The following CLPX variants were observed in gnomAD, a reference collection of about 807,000 sequenced individuals.
CLPX encodes the protein caseinolytic mitochondrial matrix peptidase chaperone subunit X, also known as ATP-dependent clpX-like chaperone, mitochondrial.
Under a neutral mutation model 76.4 loss-of-function variants are expected in CLPX, and 34 were observed. The ratio of observed to expected loss-of-function variants is 0.45; its 90% CI spans 0.34 to 0.59. CLPX has a LOEUF of 0.59. Ranked by LOEUF, CLPX falls within the 20% of genes least tolerant of loss-of-function variation. The pLI, the probability that CLPX is intolerant of heterozygous loss-of-function variation, is 0.01. For synonymous variants in CLPX, 248 were observed against 270.9 expected, an observed-to-expected ratio of 0.92 and a Z score of 0.83; for missense variants, 613 against 757.0, an observed-to-expected ratio of 0.81 and a Z score of 2.23.
At chr15:65,158,507 C>A in intron 7 of CLPX, 68 bp downstream of exon 7, 1 of 1,312,970 alleles carries the variant, frequency 7.6e-7, no homozygotes, top group Non-Finnish European at 1.1e-6. Context: ...TCGCAAGATA[C>A]AGGTTATAGA....
intron 4 of CLPX, 131 bp from the exon 5 acceptor site, chr15:65,164,319 A>T: frequency 1.6e-6 from 1 of 638,440 alleles, no homozygotes; most frequent in Non-Finnish European, 2.6e-6. Flanking sequence ...AAACAAAATG[A>T]CAATACATTA....
intron 3 of CLPX, among the ~76,000 whole-genome samples, chr15:65,171,202 T>G (rs928326662): frequency 6.6e-6 from 1 of 151,946 alleles, no homozygotes; most frequent in African/African-American, 2.4e-5. Flanking sequence ...ATCCTAGCAC[T>G]CTGGGAGGCT....
intron 3 of CLPX, among the ~76,000 whole-genome samples, chr15:65,170,331 AT>A (rs955748720): frequency 5.9e-5 from 9 of 152,196 alleles, no homozygotes; most frequent in African/African-American, 1.9e-4. Context: ...AAAAAAAAAA[AT>A]TCATGGAATT....
rs1686507112 is a variant in CLPX at position 65,148,483 on chromosome 15, T to C, written c.*2340A>G. ...CAAAGTTATAATATGTAAGACTTCC[T>C]GGGAAGAACTTGAACCATTACTAGG... On this transcript the variant is annotated 3_prime_UTR_variant, in exon 14 of 14. Coordinates refer to ENST00000300107, the MANE Select transcript of CLPX (RefSeq NM_006660.5). 1 of 152,150 alleles carries C rather than the reference T, an allele frequency of 6.6e-6. No individual in the cohort carries two copies. The highest frequency in any genetic ancestry group is 2.1e-4 in the South Asian group (1 of 4,828). The allele number at this position is 152,150 out of a possible 1,614,324, so 9.4% of individuals were successfully genotyped here. A position where few individuals can be genotyped will look rare whatever the true frequency, so the allele number is the denominator to read the frequency against.
chr15:65,151,344 CAAAAA>C (rs571760722), intron 13 of CLPX, among the ~76,000 whole-genome samples: 1 of 59,300 alleles, frequency 1.7e-5, no homozygotes, highest in African/African-American at 6.6e-5. Flanking sequence ...GACTGAGTCT[CAAAAA>C]AAAAAAAAAA....
chr15:65,175,356 G>A (rs2088076103), intron 3 of CLPX, among the ~76,000 whole-genome samples: 1 of 151,986 alleles, frequency 6.6e-6, no homozygotes, highest in Non-Finnish European at 1.5e-5. Context: ...CATGGTGGTG[G>A]GCACCTGTAA....
At position 65,152,420 on chromosome 15, in the gene CLPX, T is replaced by A; in HGVS notation, c.1811+10A>T. On this transcript the variant is annotated intron_variant, in intron 13 of 13. Coordinates refer to ENST00000300107, the MANE Select transcript of CLPX (RefSeq NM_006660.5). The stretch of plus-strand genomic sequence containing the variant: ...TTTTGTATCTGTTCTGGCTTGAAAA[T>A]ACACTTTACCGGATGTATCCTGGTT... 7.2e-7 allele frequency: 1 copy of A among 1,395,122 alleles called. No homozygotes were observed. The highest frequency in any genetic ancestry group is 9.7e-7 in the Non-Finnish European group (1 of 1,033,474). 86.4% of individuals were successfully genotyped at this position (1,395,122 alleles called of 1,614,324 possible). A position where few individuals can be genotyped will look rare whatever the true frequency, so the allele number is the denominator to read the frequency against.
chr15:65,151,324 G>A (rs548863211), intron 13 of CLPX, among the ~76,000 whole-genome samples: 4 of 130,192 alleles, frequency 3.1e-5, no homozygotes, highest in South Asian at 5.0e-4. Context: ...CAGTCTGGGC[G>A]ACAGAGCAAG....
chr15:65,170,456 C>T (rs2087985929), intron 3 of CLPX, among the ~76,000 whole-genome samples: 1 of 152,008 alleles, frequency 6.6e-6, no homozygotes, highest in African/African-American at 2.4e-5. Context: ...AAAAAGTAGA[C>T]AATTCCATAT....
At position 65,149,550 on chromosome 15, in the gene CLPX, G is replaced by A. The variant is rs542456323; in HGVS notation, c.*1273C>T. The A allele has an allele frequency of 4.4e-6, 2 of 452,876 alleles. No homozygotes were observed. The highest frequency in any genetic ancestry group is 1.6e-5 in the South Asian group (1 of 64,156). 28.1% of individuals were successfully genotyped at this position (452,876 alleles called of 1,614,324 possible). A position where few individuals can be genotyped will look rare whatever the true frequency, so the allele number is the denominator to read the frequency against. Reference sequence around the variant, plus strand: ...CTTCAATTCCATGTACTCACCCATAGTACTAAAATGGATTAAAGATGGTAA... The same window carrying A: ...CTTCAATTCCATGTACTCACCCATAATACTAAAATGGATTAAAGATGGTAA... On this transcript the variant is annotated 3_prime_UTR_variant, in exon 14 of 14. Coordinates refer to ENST00000300107, the MANE Select transcript of CLPX (RefSeq NM_006660.5).
At chr15:65,154,134 T>G (rs778452819) in intron 11 of CLPX, among the ~76,000 whole-genome samples, 4 of 152,210 alleles carry the variant, frequency 2.6e-5, no homozygotes. Context: ...GAACTTAATA[T>G]CTATTTGTTG....
chr15:65,158,782 C>G, intron 6 of CLPX, 31 bp from the exon 7 acceptor site: 1 of 1,519,890 alleles, frequency 6.6e-7, no homozygotes, highest in Non-Finnish European at 8.9e-7. Context: ...ATTACTTGAG[C>G]TTCATTTGAA....
chr15:65,184,109 T>C (rs895656215), intron 1 of CLPX, among the ~76,000 whole-genome samples: 19 of 152,224 alleles, frequency 1.2e-4, no homozygotes, highest in African/African-American at 4.3e-4. Flanking sequence ...GATTTTATAA[T>C]TGGCTTAGAA....
rs1307107819 is a variant in CLPX at position 65,185,138 on chromosome 15, C to T, written c.16G>A (p.Ala6Thr). The T allele has an allele frequency of 1.3e-6, 2 of 1,573,370 alleles. No individual in the cohort carries two copies. Among genetic ancestry groups the T allele is most frequent in the Admixed American group, 1.9e-5 (1 of 52,586 alleles). The change falls in exon 1 of 14, where the codon GCT becomes ACT. Residue 6 changes from alanine (A) to threonine (T), a missense_variant. Coordinates refer to ENST00000300107, the MANE Select transcript of CLPX (RefSeq NM_006660.5). MPSCG[A>T]CTCGAAAVRL... is the part of the protein sequence containing the mutation. The stretch of plus-strand genomic sequence containing the variant: ...ACGGCCGCCGCGCCGCAAGTACAAG[C>T]ACCGCAGCTGGGCATCTCCGCGAGG...
intron 10 of CLPX, 43 bp from the exon 11 acceptor site, chr15:65,155,124 T>C (rs1436553863): frequency 1.1e-5 from 16 of 1,506,162 alleles, no homozygotes; most frequent in Non-Finnish European, 1.5e-5. Context: ...TAGAATCAAA[T>C]GATAGTGTAT....
At position 65,152,430 on chromosome 15, in the gene CLPX, C is replaced by T. The variant is rs2087733196; in HGVS notation, c.1811G>A (p.Arg604Gln). ...GTTCTGGCTTGAAAATACACTTTAC[C>T]GGATGTATCCTGGTTCCTTTTTTCC... is the stretch of plus-strand genomic sequence containing the variant. The part of the protein sequence containing the change: ...VEGKKEPGYI[R>Q]APTKESSEEE... The change falls in exon 13 of 14, where the codon CGG becomes CAG. Residue 604 changes from arginine (R) to glutamine (Q), a missense_variant and splice_region_variant. Around this residue, in one of 2 missense-constraint regions of CLPX, gnomAD observed 450 missense variants for 638.6 expected, o/e 0.70. Coordinates refer to ENST00000300107, the MANE Select transcript of CLPX (RefSeq NM_006660.5). 2.0e-6 allele frequency: 3 copies of T among 1,468,670 alleles called. No homozygotes were observed. The highest frequency in any genetic ancestry group is 1.8e-6 in the Non-Finnish European group (2 of 1,090,494). The allele number at this position is 1,468,670 out of a possible 1,614,324, so 91.0% of individuals were successfully genotyped here. A position where few individuals can be genotyped will look rare whatever the true frequency, so the allele number is the denominator to read the frequency against.
intron 11 of CLPX, among the ~76,000 whole-genome samples, chr15:65,154,459 T>G (rs2087762352): frequency 6.6e-6 from 1 of 152,170 alleles, no homozygotes; most frequent in Admixed American, 6.5e-5. Flanking sequence ...ATATACACAG[T>G]ATGTCACAAC....
In CLPX at chr15:65,158,625, T is replaced by A; in HGVS notation, c.842A>T (p.Asp281Val). ...GGEVLDSSHD[D>V]IKLEKSNILL... ...AATATTACTTTTTTCAAGTTTTATG[T>A]CATCATGAGAAGAATCCAATACTTC... Residue 281 changes from aspartate to valine, a missense_variant, in exon 7 of 14, where the codon GAC becomes GTC. By Grantham distance (152) the Asp-to-Val change is radical. Transcript: ENST00000300107. The A allele has an allele frequency of 1.2e-6, 2 of 1,613,774 alleles. No individual in the cohort carries two copies. The highest frequency in any genetic ancestry group is 1.7e-6 in the Non-Finnish European group (2 of 1,179,874).
Position 65,148,436 on chromosome 15 carries a change from G to C in CLPX, c.*2387C>G, listed in dbSNP as rs887273760. The C allele has an allele frequency of 1.3e-5, 2 of 152,176 alleles. No individual in the cohort carries two copies. Among genetic ancestry groups the C allele is most frequent in the Admixed American group, 6.5e-5 (1 of 15,272 alleles). 9.4% of individuals were successfully genotyped at this position (152,176 alleles called of 1,614,324 possible). On this transcript the variant is annotated 3_prime_UTR_variant, in exon 14 of 14. Coordinates refer to ENST00000300107, the MANE Select transcript of CLPX (RefSeq NM_006660.5). ...TCCACTCTACAAAAAGGAAAATGAT[G>C]CTATAAGGGAAAGATAATGAACAAA...
Sources: gnomAD v4.1 joint callset for allele counts (sites outside exome capture counted in the v4.1 genomes callset) on GRCh38, gnomAD v4.1.1 for gene constraint, gnomAD v4.1.1 regional missense constraint, MANE v1.5 for transcripts, NCBI Gene and HGNC (gene_info 2026-07-23, HGNC 2026-07-21) for gene names.